PCP4L1: variants seen among roughly 807,000 people sequenced by gnomAD.
PCP4L1 encodes the protein Purkinje cell protein 4 like 1, also known as Purkinje cell protein 4-like protein 1.
PCP4L1 carries 9 observed loss-of-function variants against 9.6 expected under a neutral mutation model. That is an observed-to-expected ratio of 0.94 (90% CI 0.57 to 1.64). PCP4L1 has a LOEUF of 1.64. Among genes scored for constraint, PCP4L1 ranks in the 40% most tolerant of loss-of-function variants. The probability of loss-of-function intolerance (pLI) is 0.00; values close to 1 mark genes in which losing one functional copy is unlikely to be tolerated. For synonymous variants in PCP4L1, 31 were observed against 28.2 expected (o/e 1.10, Z -0.31); for missense variants, 81 against 80.8 (o/e 1.00, Z -0.01).
chr1:161,281,158 G>A (rs12752121), intron 1 of PCP4L1, among the ~76,000 whole-genome samples: 7,532 of 152,076 alleles, frequency 0.05, 246 homozygotes, highest in Non-Finnish European at 0.072. Flanking sequence ...AGGGTTGGGG[G>A]TAAGGTCATA....
chr1:161,278,943 T>C (rs965651366), intron 1 of PCP4L1, among the ~76,000 whole-genome samples: 1 of 152,108 alleles, frequency 6.6e-6, no homozygotes, highest in Non-Finnish European at 1.5e-5. Flanking sequence ...CCACCATGCT[T>C]GATTAATTTT....
rs1232936673 is a variant in PCP4L1 at position 161,263,243 on chromosome 1, G to GT, written c.9+4269dup. On this transcript the variant is annotated intron_variant, in intron 1 of 2. Transcript: ENST00000504449. ...GGTTTTTGTTTTTGTTTTTGTTTTT[G>GT]TTTTTTTTTGGGTTGGAGTCTTGCA... Among the ~76,000 whole-genome samples, 35 of 125,750 alleles carry GT rather than the reference G, an allele frequency of 2.8e-4. No homozygotes were observed. The East Asian group carries it at 3.2e-3, about 12-fold the overall frequency. 82.5% of individuals were successfully genotyped at this position (125,750 alleles called of 152,430 possible).
chr1:161,283,079 C>T (rs183168573), intron 1 of PCP4L1, among the ~76,000 whole-genome samples: 1 of 152,250 alleles, frequency 6.6e-6, no homozygotes, highest in Non-Finnish European at 1.5e-5. Context: ...CTGCTTCCAC[C>T]CCCAGTTAAC....
intron 1 of PCP4L1, among the ~76,000 whole-genome samples, chr1:161,263,777 T>G (rs867915004): frequency 6.6e-5 from 10 of 151,078 alleles, no homozygotes; most frequent in South Asian, 2.1e-4. Flanking sequence ...TAGAGACAGG[T>G]TTCACCACGT....
intron 1 of PCP4L1, among the ~76,000 whole-genome samples, chr1:161,263,474 A>G (rs185867603): frequency 2.2e-4 from 34 of 152,172 alleles, no homozygotes; most frequent in African/African-American, 7.7e-4. Flanking sequence ...CCTGACCTCA[A>G]GTGATCTGCC....
intron 1 of PCP4L1, among the ~76,000 whole-genome samples, chr1:161,262,433 C>CAAAAAAA (rs539872397): frequency 2.1e-4 from 13 of 63,138 alleles, no homozygotes; most frequent in Non-Finnish European, 2.5e-4. Context: ...GACTCCATCT[C>CAAAAAAA]AAAAAAAAAA....
rs1225068597 is a variant in PCP4L1 at position 161,284,494 on chromosome 1, G to A, written c.*13G>A. The A allele has an allele frequency of 2.5e-6, 4 of 1,609,058 alleles. No individual in the cohort carries two copies. The highest frequency in any genetic ancestry group is 1.7e-4 in the Middle Eastern group (1 of 5,976). ...TCCCAGCTCCTGAATGGCCAGGCTTGCCCTTCACCTTCACCTTCATGCTGG... is the reference window on the plus strand; with the variant it reads ...TCCCAGCTCCTGAATGGCCAGGCTTACCCTTCACCTTCACCTTCATGCTGG... On this transcript the variant is annotated 3_prime_UTR_variant, in exon 3 of 3. Coordinates refer to ENST00000504449, the MANE Select transcript of PCP4L1 (RefSeq NM_001102566.2).
At chr1:161,272,466 G>C (rs1270952237) in intron 1 of PCP4L1, among the ~76,000 whole-genome samples, 1 of 150,744 alleles carries the variant, frequency 6.6e-6, no homozygotes, top group East Asian at 2.0e-4. Context: ...GCTGAGGCAG[G>C]AGAATTGCTT....
intron 1 of PCP4L1, among the ~76,000 whole-genome samples, chr1:161,276,459 G>A (rs1156535500): frequency 1.3e-5 from 2 of 152,116 alleles, no homozygotes; most frequent in Non-Finnish European, 2.9e-5. Context: ...GAGATAGGAG[G>A]ATTGCTTGAG....
At chr1:161,272,186 C>CTTT (rs11365328) in intron 1 of PCP4L1, among the ~76,000 whole-genome samples, 52,551 of 144,990 alleles carry the variant, frequency 0.36, 9,710 homozygotes, top group East Asian at 0.63. Context: ...GGGGTAATCC[C>CTTT]TTTTTTTTTT....
chr1:161,280,255 A>C (rs1669771826), intron 1 of PCP4L1, among the ~76,000 whole-genome samples: 1 of 152,166 alleles, frequency 6.6e-6, no homozygotes, highest in Non-Finnish European at 1.5e-5. Flanking sequence ...TGCTTGCGCC[A>C]GGGCCTATAA....
intron 1 of PCP4L1, among the ~76,000 whole-genome samples, chr1:161,274,713 C>G (rs2102237526): frequency 6.6e-6 from 1 of 152,268 alleles, no homozygotes; most frequent in Middle Eastern, 3.4e-3. Context: ...AGGGTGGGAG[C>G]AGACAACTTG....
intron 1 of PCP4L1, among the ~76,000 whole-genome samples, chr1:161,265,027 G>T (rs1669506747): frequency 6.6e-6 from 1 of 152,160 alleles, no homozygotes; most frequent in South Asian, 2.1e-4. Flanking sequence ...GGTGGAGTAG[G>T]TAAGCTGATA....
At chr1:161,264,410 G>A (rs898461289) in intron 1 of PCP4L1, among the ~76,000 whole-genome samples, 7 of 152,056 alleles carry the variant, frequency 4.6e-5, no homozygotes, top group African/African-American at 9.7e-5. Context: ...ACAGCTACTC[G>A]GGAGGCTGAG....
chr1:161,284,695 AAGG>A lies in PCP4L1; in HGVS notation c.*215_*217del, dbSNP rs532128760. On this transcript the variant is annotated 3_prime_UTR_variant, in exon 3 of 3. Coordinates refer to ENST00000504449, the MANE Select transcript of PCP4L1 (RefSeq NM_001102566.2). ...GACTTCAATCAGCAGTCACTAGTCT[AAGG>A]GTGGAACAATTTCTTCTTGGTATAA... The A allele has an allele frequency of 3.3e-4, 210 of 632,474 alleles. 6 individuals carry two copies. In the South Asian group the frequency reaches 4.3e-3, roughly 13 times the overall value. 39.2% of individuals were successfully genotyped at this position (632,474 alleles called of 1,614,324 possible).
At chr1:161,267,680 GTCTAGGTGC>G (rs1669552489) in intron 1 of PCP4L1, among the ~76,000 whole-genome samples, 1 of 151,680 alleles carries the variant, frequency 6.6e-6, no homozygotes, top group African/African-American at 2.4e-5. Flanking sequence ...CGTTTTGAAT[GTCTAGGTGC>G]TTGCTACCAC....
chr1:161,265,732 C>CTTTTTT (rs869123262), intron 1 of PCP4L1, among the ~76,000 whole-genome samples: 3 of 76,704 alleles, frequency 3.9e-5, no homozygotes, highest in Non-Finnish European at 6.8e-5. Flanking sequence ...TCCAAAACCA[C>CTTTTTT]TTTTTTTTTT....
At chr1:161,275,242 T>C (rs890919833) in intron 1 of PCP4L1, among the ~76,000 whole-genome samples, 3 of 151,920 alleles carry the variant, frequency 2.0e-5, no homozygotes, top group African/African-American at 7.3e-5. Flanking sequence ...AGTGGCCGGG[T>C]GTGGTGGCTC....
At chr1:161,282,179 G>A (rs1669832404) in intron 1 of PCP4L1, among the ~76,000 whole-genome samples, 1 of 152,054 alleles carries the variant, frequency 6.6e-6, no homozygotes, top group Non-Finnish European at 1.5e-5. Context: ...GCGGTTAGGA[G>A]CTGGAGACCA....
Sources: gnomAD v4.1 joint callset for allele counts (sites outside exome capture counted in the v4.1 genomes callset) on GRCh38, gnomAD v4.1.1 for gene constraint, MANE v1.5 for transcripts, NCBI Gene and HGNC (gene_info 2026-07-23, HGNC 2026-07-21) for gene names.